RP1: variants seen among roughly 807,000 people sequenced by gnomAD.
RP1 encodes oxygen-regulated protein 1.
In RP1, 16 loss-of-function variants were observed where a neutral mutation model predicts 14.8. The ratio of observed to expected loss-of-function variants is 1.08; its 90% CI spans 0.73 to 1.65. The LOEUF is 1.65. Among genes scored for constraint, RP1 ranks in the 40% most tolerant of loss-of-function variants. The probability of loss-of-function intolerance (pLI) is 0.00; values close to 1 mark genes in which losing one functional copy is unlikely to be tolerated. For missense variants in RP1, 2,631 were observed against 2,535.0 expected, an observed-to-expected ratio of 1.04 and a Z score of -0.81; for synonymous variants, 876 against 883.6, an observed-to-expected ratio of 0.99 and a Z score of 0.15.
exon 22 of RP1, chr8:54,758,923 T>C (rs17404707): frequency 0.086 from 132,737 of 1,535,262 alleles, 6,535 homozygotes; most frequent in Admixed American, 0.11. Context: ...CTGCACCAGA[T>C]TGATAAATTT....
chr8:54,688,533 C>A (rs1417719647), intron 12 of RP1, among the ~76,000 whole-genome samples: 3 of 152,114 alleles, frequency 2.0e-5, no homozygotes, highest in Non-Finnish European at 2.9e-5. Context: ...CTACATATGG[C>A]TAGCCAGTTT....
chr8:54,625,457 A>G lies in RP1; in HGVS notation c.1575A>G (p.Gln525=). Residue 525 remains glutamine, a synonymous_variant, in exon 4 of 4, where the codon CAA becomes CAG. Transcript: ENST00000220676. The part of the protein sequence containing the change: ...PVLVQINNND[Q]MEESSLERKK... Reference sequence around the variant, plus strand: ...TTGTTCAGATCAATAACAATGATCAAATGGAGGAGTCATCATTAGAAAGAA... The same window carrying G: ...TTGTTCAGATCAATAACAATGATCAGATGGAGGAGTCATCATTAGAAAGAA... 6.2e-7 allele frequency: 1 copy of G among 1,614,028 alleles called. No homozygotes were observed. Among genetic ancestry groups the G allele is most frequent in the Non-Finnish European group, 8.5e-7 (1 of 1,180,004 alleles).
chr8:54,584,237 T>A (rs2129297987), intron 1 of RP1, among the ~76,000 whole-genome samples: 1 of 152,360 alleles, frequency 6.6e-6, no homozygotes, highest in African/African-American at 2.4e-5. Context: ...CATCTTTATT[T>A]CTGTCTTCAT....
intron 22 of RP1, among the ~76,000 whole-genome samples, chr8:54,768,617 C>CA (rs1563370748): frequency 6.6e-6 from 1 of 152,002 alleles, no homozygotes; most frequent in South Asian, 2.1e-4. Context: ...TGTAATACTA[C>CA]AAAAAAATGC....
intron 1 of RP1, 30 bp from the exon 2 acceptor site, chr8:54,620,925 A>AT: frequency 6.2e-7 from 1 of 1,607,170 alleles, no homozygotes; most frequent in South Asian, 1.1e-5. Flanking sequence ...TGGTGCTGTG[A>AT]TTCTGGAGAT....
At chr8:54,803,128 CA>C (rs1554534878) in intron 24 of RP1, among the ~76,000 whole-genome samples, 1 of 152,116 alleles carries the variant, frequency 6.6e-6, no homozygotes, top group Non-Finnish European at 1.5e-5. Context: ...ACCAAGACTA[CA>C]AAATATTATT....
chr8:54,607,637 C>A (rs1376261093), intron 1 of RP1, among the ~76,000 whole-genome samples: 1 of 152,170 alleles, frequency 6.6e-6, no homozygotes. Flanking sequence ...GCCCTGCCCC[C>A]AGAGGTGGAG....
At chr8:54,673,322 C>T (rs186256720) in intron 7 of RP1, among the ~76,000 whole-genome samples, 6 of 152,194 alleles carry the variant, frequency 3.9e-5, no homozygotes, top group Admixed American at 3.3e-4. Flanking sequence ...GGATTGAAAC[C>T]TATAGCGTTA....
intron 8 of RP1, among the ~76,000 whole-genome samples, chr8:54,677,706 G>T (rs1807323829): frequency 6.6e-6 from 1 of 152,030 alleles, no homozygotes; most frequent in Non-Finnish European, 1.5e-5. Flanking sequence ...TAGCCTGGGT[G>T]ACAGAGTGAG....
At chr8:54,586,704 C>T (rs1399155603) in intron 1 of RP1, among the ~76,000 whole-genome samples, 5 of 152,212 alleles carry the variant, frequency 3.3e-5, no homozygotes, top group African/African-American at 1.2e-4. Context: ...GTTGGCGCCC[C>T]TCCCCCAGCC....
chr8:54,614,583 G>T (rs1242777422), upstream of RP1, among the ~76,000 whole-genome samples: 1 of 152,198 alleles, frequency 6.6e-6, no homozygotes, highest in African/African-American at 2.4e-5. Flanking sequence ...ATACCAGGGA[G>T]AGGGTATGGT....
In RP1 at chr8:54,580,300, CTTTTTTTTT is replaced by C. The variant is rs906806636; in HGVS notation, c.-13+20997_-13+21005del. Among the ~76,000 whole-genome samples, 10 of 80,198 alleles carry C rather than the reference CTTTTTTTTT, an allele frequency of 1.2e-4. No individual in the cohort carries two copies. The South Asian group carries it at 1.9e-3, about 15-fold the overall frequency. 52.6% of individuals were successfully genotyped at this position (80,198 alleles called of 152,430 possible). A position where few individuals can be genotyped will look rare whatever the true frequency, so the allele number is the denominator to read the frequency against. ...GGGAAGCTAAATGTATCGTAGACTT[CTTTTTTTTT>C]TTTTTTTTTTTTTTTTGAGACAGAG... is the stretch of plus-strand genomic sequence containing the variant. On this transcript the variant is annotated intron_variant, in intron 1 of 22. Coordinates refer to the RP1 transcript ENST00000636932.
intron 23 of RP1, among the ~76,000 whole-genome samples, chr8:54,782,143 A>G (rs922127484): frequency 6.6e-6 from 1 of 152,202 alleles, no homozygotes; most frequent in African/African-American, 2.4e-5. Context: ...AGGATTCTCA[A>G]TGGGACTTAG....
chr8:54,731,134 A>G (rs975728722), intron 17 of RP1, among the ~76,000 whole-genome samples: 3 of 152,176 alleles, frequency 2.0e-5, no homozygotes, highest in Non-Finnish European at 4.4e-5. Flanking sequence ...CAACCCATGA[A>G]CTATTAGAAT....
chr8:54,825,861 G>A (rs999331011), intron 24 of RP1, among the ~76,000 whole-genome samples: 31 of 152,156 alleles, frequency 2.0e-4, no homozygotes, highest in African/African-American at 7.2e-4. Context: ...CTTGAAGCCA[G>A]GAGCTTGAGA....
At chr8:54,738,769 T>C (rs1411554886) in intron 18 of RP1, among the ~76,000 whole-genome samples, 2 of 152,172 alleles carry the variant, frequency 1.3e-5, no homozygotes, top group African/African-American at 4.8e-5. Context: ...TCTGTGTCTG[T>C]GAGGTTCACT....
At chr8:54,784,083 A>G (rs766431010) in intron 24 of RP1, among the ~76,000 whole-genome samples, 1 of 152,148 alleles carries the variant, frequency 6.6e-6, no homozygotes, top group African/African-American at 2.4e-5. Flanking sequence ...ACTAACACAT[A>G]TGATGGAGCA....
chr8:54,685,338 G>A (rs1039624729), intron 12 of RP1, among the ~76,000 whole-genome samples: 23 of 152,070 alleles, frequency 1.5e-4, no homozygotes, highest in African/African-American at 5.6e-4. Context: ...GTGTCCCAGA[G>A]TTCTGGTGTG....
chr8:54,696,608 T>TGACCA, intron 12 of RP1: 1 of 770,424 alleles, frequency 1.3e-6, no homozygotes, highest in Non-Finnish European at 2.2e-6. Flanking sequence ...ACGTCTCAGA[T>TGACCA]GACCAGAAGT....
Sources: allele counts gnomAD v4.1 joint callset (sites outside exome capture counted in the v4.1 genomes callset), GRCh38; gene constraint gnomAD v4.1.1; transcripts MANE v1.5; gene names NCBI Gene and HGNC (gene_info 2026-07-23, HGNC 2026-07-21).